The following C1orf21 variants were observed in gnomAD, a reference collection of about 807,000 sequenced individuals.
C1orf21 encodes the protein chromosome 1 open reading frame 21, also known as uncharacterized protein C1orf21.
A neutral mutation model predicts 18.7 loss-of-function variants in C1orf21; 3 were observed. The observed-to-expected ratio is 0.16, with a 90% confidence interval of 0.07 to 0.42. The LOEUF (loss-of-function observed/expected upper bound fraction) is 0.42. C1orf21 is among the 10% of genes least tolerant of loss of function. C1orf21 has a pLI of 0.99. For missense variants in C1orf21, 104 were observed against 143.6 expected (o/e 0.72, Z 1.41); for synonymous variants, 41 against 46.4 (o/e 0.88, Z 0.47).
intron 3 of C1orf21, among the ~76,000 whole-genome samples, chr1:184,523,306 A>G (rs1658331807): frequency 6.6e-6 from 1 of 152,154 alleles, no homozygotes. Flanking sequence ...TGTTAATAGC[A>G]TGTATCCTTG....
chr1:184,420,757 CACA>C (rs1656535280), intron 1 of C1orf21, among the ~76,000 whole-genome samples: 1 of 151,978 alleles, frequency 6.6e-6, no homozygotes, highest in Admixed American at 6.6e-5. Flanking sequence ...AACCCCCCCA[CACA>C]ACATTAATCC....
At chr1:184,490,370 G>C (rs777048291) in intron 2 of C1orf21, among the ~76,000 whole-genome samples, 50 of 152,256 alleles carry the variant, frequency 3.3e-4, no homozygotes, top group Non-Finnish European at 6.6e-4. Context: ...AGTGGGGGAA[G>C]ACTTGTAAAG....
intron 3 of C1orf21, among the ~76,000 whole-genome samples, chr1:184,547,693 A>C (rs1371610811): frequency 1.3e-5 from 2 of 152,158 alleles, no homozygotes; most frequent in Non-Finnish European, 2.9e-5. Flanking sequence ...TAGATATTTA[A>C]ATTTTTAGCT....
intron 3 of C1orf21, among the ~76,000 whole-genome samples, chr1:184,526,719 A>C (rs1032893934): frequency 1.3e-5 from 2 of 152,206 alleles, no homozygotes; most frequent in South Asian, 4.1e-4. Context: ...ATTCATTGAG[A>C]AATAGCCCAA....
At chr1:184,596,873 CAAAAA>C (rs11291932) in intron 4 of C1orf21, among the ~76,000 whole-genome samples, 17 of 123,480 alleles carry the variant, frequency 1.4e-4, no homozygotes, top group Non-Finnish European at 2.5e-4. Flanking sequence ...GACTCTGTCT[CAAAAA>C]AAAAAAAAAA....
At chr1:184,541,901 G>A (rs1361469782) in intron 3 of C1orf21, among the ~76,000 whole-genome samples, 6 of 152,140 alleles carry the variant, frequency 3.9e-5, no homozygotes, top group Non-Finnish European at 8.8e-5. Flanking sequence ...GTGTGGCTTC[G>A]GGCCGGTGTG....
intron 3 of C1orf21, among the ~76,000 whole-genome samples, chr1:184,583,089 T>G (rs556956872): frequency 6.6e-6 from 1 of 152,186 alleles, no homozygotes. Flanking sequence ...TCCGCCCGCC[T>G]CGGCCTCCCA....
intron 2 of C1orf21, among the ~76,000 whole-genome samples, chr1:184,495,118 G>A (rs779522148): frequency 6.6e-6 from 1 of 152,168 alleles, no homozygotes; most frequent in Non-Finnish European, 1.5e-5. Context: ...TTCATTTTTA[G>A]CAAGTTTCTT....
At chr1:184,489,846 C>T (rs1571382572) in intron 2 of C1orf21, among the ~76,000 whole-genome samples, 1 of 152,172 alleles carries the variant, frequency 6.6e-6, no homozygotes, top group East Asian at 1.9e-4. Flanking sequence ...AAAACTTTTA[C>T]GATGGCAGTC....
rs115236283 is a variant in C1orf21 at position 184,412,730 on chromosome 1, C to G, written c.-125+25362C>G. 7.0e-3 allele frequency among the ~76,000 whole-genome samples: 1,061 copies of G among 152,240 alleles called. 7 individuals are homozygous for G. The highest frequency in any genetic ancestry group is 0.024 in the African/African-American group (1,002 of 41,540). On this transcript the variant is annotated intron_variant, in intron 1 of 5. Transcript: ENST00000235307. ...GACTGAGGCCAGAGGTTTGCTTGAG[C>G]CCAGGAGTTCAAGGTTGCAGTGAGC...
intron 2 of C1orf21, among the ~76,000 whole-genome samples, chr1:184,490,515 A>AG (rs35587310): frequency 1.3e-5 from 2 of 152,236 alleles, no homozygotes; most frequent in Non-Finnish European, 2.9e-5. Flanking sequence ...ACAATATAGC[A>AG]GGGGAGACTG....
At chr1:184,484,507 T>C (rs1353836761) in intron 2 of C1orf21, among the ~76,000 whole-genome samples, 1 of 152,250 alleles carries the variant, frequency 6.6e-6, no homozygotes, top group Non-Finnish European at 1.5e-5. Flanking sequence ...TCTTGTGAGC[T>C]GGTTAGCTCC....
At chr1:184,471,804 G>A (rs1329163549) in intron 1 of C1orf21, among the ~76,000 whole-genome samples, 1 of 152,166 alleles carries the variant, frequency 6.6e-6, no homozygotes, top group Non-Finnish European at 1.5e-5. Flanking sequence ...TTGTATCTTT[G>A]GAGTTAATAG....
intron 3 of C1orf21, among the ~76,000 whole-genome samples, chr1:184,569,303 A>G (rs1221687320): frequency 2.0e-5 from 3 of 152,224 alleles, no homozygotes; most frequent in African/African-American, 7.2e-5. Flanking sequence ...TGGACAAGGA[A>G]GCAGCAGTTC....
At chr1:184,606,383 C>G (rs1659646781) in intron 5 of C1orf21, among the ~76,000 whole-genome samples, 1 of 152,026 alleles carries the variant, frequency 6.6e-6, no homozygotes, top group South Asian at 2.1e-4. Context: ...TGAGACCAGC[C>G]TGGGCAACAT....
chr1:184,599,836 G>A (rs1303658959), intron 5 of C1orf21, among the ~76,000 whole-genome samples: 2 of 152,130 alleles, frequency 1.3e-5, no homozygotes, highest in Admixed American at 6.5e-5. Context: ...CATGATGCTC[G>A]AGCATTTTCA....
rs562449191 is a variant in C1orf21 at position 184,563,805 on chromosome 1, G to A, written c.190-26934G>A. 2.0e-5 allele frequency among the ~76,000 whole-genome samples: 3 copies of A among 152,298 alleles called. No homozygotes were observed. The South Asian group carries it at 6.2e-4, about 32-fold the overall frequency. Reference sequence around the variant, plus strand: ...CATCTAGGAAAGAAAATACAAGGTTGGGGGAAGTTCTTAAAGAAGATTGTG... The same window carrying A: ...CATCTAGGAAAGAAAATACAAGGTTAGGGGAAGTTCTTAAAGAAGATTGTG... On this transcript the variant is annotated intron_variant, in intron 3 of 5. Transcript: ENST00000235307.
At chr1:184,592,814 C>T (rs953605797) in intron 4 of C1orf21, among the ~76,000 whole-genome samples, 1 of 152,228 alleles carries the variant, frequency 6.6e-6, no homozygotes, top group Admixed American at 6.5e-5. Flanking sequence ...ACTGTGGTGT[C>T]GCAGTTAGGA....
chr1:184,430,300 G>T (rs1455997120), intron 1 of C1orf21, among the ~76,000 whole-genome samples: 6 of 152,010 alleles, frequency 3.9e-5, no homozygotes, highest in African/African-American at 1.2e-4. Flanking sequence ...AAACTTTTCA[G>T]CCAATTAGAT....
Sources: allele counts gnomAD v4.1 joint callset (sites outside exome capture counted in the v4.1 genomes callset), GRCh38; gene constraint gnomAD v4.1.1; transcripts MANE v1.5; gene names NCBI Gene and HGNC (gene_info 2026-07-23, HGNC 2026-07-21).